The following HERC4 variants were observed in gnomAD, a reference collection of about 807,000 sequenced individuals.
HERC4 encodes the protein probable E3 ubiquitin-protein ligase HERC4.
In HERC4, 28 loss-of-function variants were observed where a neutral mutation model predicts 124.3. That is an observed-to-expected ratio of 0.23 (90% CI 0.17 to 0.31). The LOEUF is 0.31. HERC4 is among the 10% of genes least tolerant of loss of function. The probability of loss-of-function intolerance (pLI) is 1.00; values close to 1 mark genes in which losing one functional copy is unlikely to be tolerated. For missense variants in HERC4, 713 were observed against 1,229.3 expected (o/e 0.58, Z 6.28); for synonymous variants, 407 against 421.5 (o/e 0.97, Z 0.42).
At chr10:67,966,904 G>C in intron 15 of HERC4, 102 bp from the exon 16 acceptor site, 1 of 793,186 alleles carries the variant, frequency 1.3e-6, no homozygotes, top group Non-Finnish European at 1.8e-6. Context: ...AACCAGGCTG[G>C]AGTGCAGTGG....
intron 15 of HERC4, among the ~76,000 whole-genome samples, chr10:67,971,355 A>G (rs1044597825): frequency 2.6e-5 from 4 of 152,122 alleles, no homozygotes; most frequent in African/African-American, 7.2e-5. Context: ...ACAGATCAAT[A>G]TCCCTCATGA....
At chr10:68,057,310 A>T (rs1358239767) in intron 3 of HERC4, among the ~76,000 whole-genome samples, 2 of 152,094 alleles carry the variant, frequency 1.3e-5, no homozygotes, top group African/African-American at 4.8e-5. Flanking sequence ...AGGTCAGCTC[A>T]TCATTTTGGG....
intron 3 of HERC4, chr10:68,069,226 A>T: frequency 1.0e-6 from 1 of 955,710 alleles, no homozygotes; most frequent in Non-Finnish European, 1.2e-6. Context: ...AAAAACAACA[A>T]TTCATTTAAA....
At chr10:67,980,422 C>G (rs906187782) in intron 15 of HERC4, among the ~76,000 whole-genome samples, 1 of 152,000 alleles carries the variant, frequency 6.6e-6, no homozygotes, top group South Asian at 2.1e-4. Flanking sequence ...CATGAGCCAC[C>G]GCACCCCACC....
chr10:68,000,167 C>G lies in HERC4; in HGVS notation c.1070-7485G>C, dbSNP rs79564897. On this transcript the variant is annotated intron_variant, in intron 9 of 24. Transcript: ENST00000373700. The stretch of plus-strand genomic sequence containing the variant: ...GCCATCACACCAGCCAATAAGTCAT[C>G]TGAAGGAACAAAGTTTGCCTGTACT... Among the ~76,000 whole-genome samples the G allele has an allele frequency of 4.6e-5, 7 of 152,190 alleles. No homozygotes were observed. In the East Asian group the frequency reaches 1.4e-3, roughly 29 times the overall value.
At chr10:68,045,659 G>GT (rs1301547197) in intron 3 of HERC4, among the ~76,000 whole-genome samples, 3 of 152,060 alleles carry the variant, frequency 2.0e-5, no homozygotes, top group African/African-American at 4.8e-5. Context: ...TGTTTGTCAG[G>GT]TTTTTTTACT....
At chr10:68,012,039 G>A (rs1018247400) in intron 9 of HERC4, among the ~76,000 whole-genome samples, 13 of 152,084 alleles carry the variant, frequency 8.5e-5, no homozygotes, top group African/African-American at 1.9e-4. Context: ...TAAACTTCAC[G>A]AACTAATATT....
intron 9 of HERC4, chr10:67,995,364 T>C (rs1487712332): frequency 3.7e-5 from 15 of 410,492 alleles, no homozygotes; most frequent in East Asian, 2.2e-4. Flanking sequence ...CCCTATTATA[T>C]AGTTATCTTA....
chr10:68,072,707 C>T (rs909269318), intron 3 of HERC4, among the ~76,000 whole-genome samples, 176 bp downstream of exon 3: 1 of 151,810 alleles, frequency 6.6e-6, no homozygotes, highest in Admixed American at 6.6e-5. Flanking sequence ...AAAGAAACCA[C>T]AACATAAAGT....
intron 9 of HERC4, among the ~76,000 whole-genome samples, chr10:68,004,878 C>A (rs2037447491): frequency 6.6e-6 from 1 of 152,172 alleles, no homozygotes; most frequent in Non-Finnish European, 1.5e-5. Context: ...TCCACCGGGT[C>A]TCTCCGTTGA....
intron 4 of HERC4, among the ~76,000 whole-genome samples, chr10:68,039,170 A>T (rs1346330853): frequency 7.1e-6 from 1 of 140,494 alleles, no homozygotes; most frequent in Admixed American, 7.1e-5. Context: ...AAAAAAAAAA[A>T]TTAGCAGGTG....
intron 9 of HERC4, among the ~76,000 whole-genome samples, chr10:68,012,442 C>T (rs1318785124): frequency 6.6e-6 from 1 of 152,102 alleles, no homozygotes; most frequent in Non-Finnish European, 1.5e-5. Flanking sequence ...ACTTAGAGGC[C>T]ACTGTAGGGT....
intron 5 of HERC4, 45 bp from the exon 6 acceptor site, chr10:68,034,231 A>G (rs1479766735): frequency 7.2e-7 from 1 of 1,397,078 alleles, no homozygotes; most frequent in Admixed American, 1.9e-5. Context: ...CTCACATGCA[A>G]AAAATTTAAT....
At chr10:68,028,767 T>C (rs771623243) in intron 7 of HERC4, among the ~76,000 whole-genome samples, 1 of 152,246 alleles carries the variant, frequency 6.6e-6, no homozygotes, top group Non-Finnish European at 1.5e-5. Context: ...TTTAGATCTA[T>C]CTCTTTTCTC....
At chr10:68,028,925 T>C (rs2039043254) in intron 7 of HERC4, among the ~76,000 whole-genome samples, 1 of 152,096 alleles carries the variant, frequency 6.6e-6, no homozygotes, top group Non-Finnish European at 1.5e-5. Flanking sequence ...AATTCCAGCA[T>C]TTTGGGGGGC....
At chr10:68,027,687 C>T (rs2038974653) in intron 7 of HERC4, among the ~76,000 whole-genome samples, 1 of 152,188 alleles carries the variant, frequency 6.6e-6, no homozygotes, top group South Asian at 2.1e-4. Flanking sequence ...CTTTGGGAGG[C>T]TGAGGCGGGT....
chr10:68,064,296 G>C (rs2041185826), intron 3 of HERC4, among the ~76,000 whole-genome samples: 1 of 151,954 alleles, frequency 6.6e-6, no homozygotes, highest in Admixed American at 6.6e-5. Context: ...GCTCAGGCAG[G>C]TAATCCCAGC....
intron 4 of HERC4, 124 bp downstream of exon 4, chr10:68,044,280 G>T: frequency 1.2e-6 from 1 of 817,018 alleles, no homozygotes; most frequent in Admixed American, 3.4e-5. Flanking sequence ...TCTTATCAAA[G>T]GACTCAAAGG....
At chr10:68,064,560 CAAA>C (rs538756559) in intron 3 of HERC4, among the ~76,000 whole-genome samples, 3 of 71,680 alleles carry the variant, frequency 4.2e-5, no homozygotes, top group Admixed American at 1.5e-4. Flanking sequence ...GATTCTCTCT[CAAA>C]AAAAAAAAAA....
Sources: gnomAD v4.1 joint callset for allele counts (sites outside exome capture counted in the v4.1 genomes callset) on GRCh38, gnomAD v4.1.1 for gene constraint, MANE v1.5 for transcripts, NCBI Gene and HGNC (gene_info 2026-07-23, HGNC 2026-07-21) for gene names.